Variants in DEFB131B observed in about 807,000 individuals in gnomAD.
The protein encoded by DEFB131B is beta-defensin 131B.
Under a neutral mutation model 2.1 loss-of-function variants are expected in DEFB131B, and 2 were observed. That is an observed-to-expected ratio of 0.94 (90% CI 0.38 to 2.95). The LOEUF (loss-of-function observed/expected upper bound fraction) is 2.95, where lower values mean the gene tolerates loss of function less well. Among genes scored for constraint, DEFB131B ranks in the 30% most tolerant of loss-of-function variants. The probability of loss-of-function intolerance (pLI) is 0.09; values close to 1 mark genes in which losing one functional copy is unlikely to be tolerated. For synonymous variants in DEFB131B, 26 were observed against 25.8 expected, an observed-to-expected ratio of 1.01 and a Z score of -0.03; for missense variants, 77 against 78.5, an observed-to-expected ratio of 0.98 and a Z score of 0.07.
Position 71,884,531 on chromosome 11 carries a change from C to T in DEFB131B, c.183C>T (p.Ile61=), listed in dbSNP as rs1244539121. Residue 61 remains isoleucine (I), a synonymous_variant, in exon 2 of 2, where the codon ATC becomes ATT. Coordinates refer to ENST00000530210, the MANE Select transcript of DEFB131B (RefSeq NM_001242853.1). ...ADFSICCKLK[I]IQIDGQKKW ...TCAGCATCTGCTGCAAACTGAAGAT[C>T]ATTCAAATTGATGGACAAAAGAAGT... 1 of 1,607,962 alleles carries T rather than the reference C, an allele frequency of 6.2e-7. No individual in the cohort carries two copies. The highest frequency in any genetic ancestry group is 8.5e-7 in the Non-Finnish European group (1 of 1,177,572).
In DEFB131B at chr11:71,878,561, A is replaced by G. The variant is rs931161337; in HGVS notation, c.58+51A>G. 9.5e-6 allele frequency: 15 copies of G among 1,576,006 alleles called. No individual in the cohort carries two copies. The African/African-American group carries it at 1.9e-4, about 20-fold the overall frequency. On this transcript the variant is annotated intron_variant, in intron 1 of 1. Coordinates refer to ENST00000530210, the MANE Select transcript of DEFB131B (RefSeq NM_001242853.1). ...AAGTTCTAAAAATATAAGTAAAAGAAAATGCAAGGTCTTTCAAGAGTCTGA... is the reference window on the plus strand; with the variant it reads ...AAGTTCTAAAAATATAAGTAAAAGAGAATGCAAGGTCTTTCAAGAGTCTGA...
intron 1 of DEFB131B, 68 bp downstream of exon 1, chr11:71,878,578 A>T (rs1350964853): frequency 9.8e-5 from 150 of 1,530,366 alleles, no homozygotes; most frequent in Non-Finnish European, 1.2e-4. Context: ...AGGTCTTTCA[A>T]GAGTCTGAAA....
chr11:71,883,315 G>A (rs1373619650), intron 1 of DEFB131B, among the ~76,000 whole-genome samples: 2 of 152,090 alleles, frequency 1.3e-5, no homozygotes, highest in Non-Finnish European at 2.9e-5. Context: ...AAAGCTAGGG[G>A]CATCACATTT....
chr11:71,884,464 A>G lies in DEFB131B; in HGVS notation c.116A>G (p.Lys39Arg), dbSNP rs1325423803. Residue 39 changes from lysine to arginine, a missense_variant, in exon 2 of 2, where the codon AAG (lysine) becomes AGG (arginine). Physicochemically the swap from Lys to Arg is conservative, Grantham distance 26. Coordinates refer to ENST00000530210, the MANE Select transcript of DEFB131B (RefSeq NM_001242853.1). Reference sequence around the variant, plus strand: ...TCAGAATATTATCATTGCAGACTGAAGTGCAATGCTGATGAACATGCAATT... The same window carrying G: ...TCAGAATATTATCATTGCAGACTGAGGTGCAATGCTGATGAACATGCAATT... The part of the protein sequence containing the change: ...CPSEYYHCRL[K>R]CNADEHAIRY... 13 of 1,609,234 alleles carry G rather than the reference A, an allele frequency of 8.1e-6. No individual in the cohort carries two copies. Among genetic ancestry groups the G allele is most frequent in the Non-Finnish European group, 1.0e-5 (12 of 1,178,232 alleles).
intron 1 of DEFB131B, among the ~76,000 whole-genome samples, chr11:71,880,733 A>G (rs1486895763): frequency 6.6e-6 from 1 of 152,100 alleles, no homozygotes. Context: ...TATTTCAAGA[A>G]CATTTGTTAT....
intron 1 of DEFB131B, among the ~76,000 whole-genome samples, chr11:71,880,704 T>C (rs982898818): frequency 6.6e-6 from 1 of 152,180 alleles, no homozygotes; most frequent in African/African-American, 2.4e-5. Context: ...CTTTGGTATG[T>C]TGTGTTTCCA....
At chr11:71,881,862 A>T (rs941915755) in intron 1 of DEFB131B, among the ~76,000 whole-genome samples, 8 of 152,188 alleles carry the variant, frequency 5.3e-5, no homozygotes, top group African/African-American at 1.9e-4. Context: ...TAATAAGTGT[A>T]GGCCAATTAG....
chr11:71,883,753 T>A (rs1375990546), intron 1 of DEFB131B, among the ~76,000 whole-genome samples: 1 of 152,200 alleles, frequency 6.6e-6, no homozygotes, highest in African/African-American at 2.4e-5. Flanking sequence ...GGAATATTTA[T>A]GGGAGATTAT....
intron 1 of DEFB131B, among the ~76,000 whole-genome samples, chr11:71,881,791 T>C (rs959321366): frequency 6.6e-6 from 1 of 152,058 alleles, no homozygotes; most frequent in African/African-American, 2.4e-5. Context: ...TTAAAGAATT[T>C]TAAATAGCAA....
Position 71,884,021 on chromosome 11 carries a change from C to A in DEFB131B, c.59-386C>A, listed in dbSNP as rs144736406. Among the ~76,000 whole-genome samples, 705 of 152,294 alleles carry A rather than the reference C, an allele frequency of 4.6e-3. 6 individuals carry two copies. The highest frequency in any genetic ancestry group is 0.016 in the African/African-American group (660 of 41,552). On this transcript the variant is annotated intron_variant, in intron 1 of 1. Coordinates refer to ENST00000530210, the MANE Select transcript of DEFB131B (RefSeq NM_001242853.1). ...CTTCTCTTCACTCTGTGATTCAAGG[C>A]CAACCCCTCCACTTACACTAGATTC...
chr11:71,882,165 C>G (rs535511209), intron 1 of DEFB131B, among the ~76,000 whole-genome samples: 2 of 151,506 alleles, frequency 1.3e-5, no homozygotes, highest in African/African-American at 4.8e-5. Context: ...TCAGACTTCT[C>G]TTAAACCACA....
At chr11:71,879,986 G>A (rs1952549988) in intron 1 of DEFB131B, among the ~76,000 whole-genome samples, 2 of 152,006 alleles carry the variant, frequency 1.3e-5, no homozygotes, top group Admixed American at 6.6e-5. Flanking sequence ...TCACTAAATG[G>A]AACACTCTAA....
At chr11:71,884,107 T>C (rs185418296) in intron 1 of DEFB131B, among the ~76,000 whole-genome samples, 91 of 152,318 alleles carry the variant, frequency 6.0e-4, no homozygotes, top group African/African-American at 2.1e-3. Context: ...TCCTGCATTA[T>C]GAATCTCTAC....
intron 1 of DEFB131B, among the ~76,000 whole-genome samples, chr11:71,879,285 AT>A (rs35713439): frequency 0.36 from 53,842 of 149,622 alleles, 10,802 homozygotes; most frequent in South Asian, 0.49. Context: ...TACTTTTTGT[AT>A]GGTGAGAGTT....
intron 1 of DEFB131B, among the ~76,000 whole-genome samples, chr11:71,882,564 T>C (rs948300177): frequency 6.6e-6 from 1 of 152,202 alleles, no homozygotes; most frequent in Non-Finnish European, 1.5e-5. Context: ...TACATAATTT[T>C]CTTAGGTAAC....
chr11:71,880,045 C>T (rs1952550384), intron 1 of DEFB131B, among the ~76,000 whole-genome samples: 2 of 152,028 alleles, frequency 1.3e-5, no homozygotes, highest in Middle Eastern at 3.4e-3. Flanking sequence ...TATAAAACAC[C>T]AACATTCACG....
chr11:71,881,403 A>G (rs955770224), intron 1 of DEFB131B, among the ~76,000 whole-genome samples: 2 of 152,162 alleles, frequency 1.3e-5, no homozygotes, highest in Admixed American at 6.5e-5. Flanking sequence ...TAAATAACAA[A>G]AGTTCATTTT....
intron 1 of DEFB131B, among the ~76,000 whole-genome samples, chr11:71,881,254 C>T (rs1473440344): frequency 1.3e-5 from 2 of 152,146 alleles, no homozygotes; most frequent in African/African-American, 4.8e-5. Context: ...GCCCTTTTAT[C>T]ATTATATGAT....
chr11:71,884,397 C>G lies in DEFB131B; in HGVS notation c.59-10C>G, dbSNP rs1952601581. 6.4e-7 allele frequency: 1 copy of G among 1,566,922 alleles called. No individual in the cohort carries two copies. Among genetic ancestry groups the G allele is most frequent in the African/African-American group, 1.4e-5 (1 of 73,176 alleles). ...TATTGTGTCATATAATTTGTCTTCTCTTTTTAAAGCCAGAAGCTTCACTTC... is the reference window on the plus strand; with the variant it reads ...TATTGTGTCATATAATTTGTCTTCTGTTTTTAAAGCCAGAAGCTTCACTTC... On this transcript the variant is annotated splice_polypyrimidine_tract_variant and intron_variant, in intron 1 of 1. Transcript: ENST00000530210.
Sources: gnomAD v4.1 joint callset for allele counts (sites outside exome capture counted in the v4.1 genomes callset) on GRCh38, gnomAD v4.1.1 for gene constraint, MANE v1.5 for transcripts, NCBI Gene and HGNC (gene_info 2026-07-23, HGNC 2026-07-21) for gene names.